PLEKHM3: variants seen among roughly 807,000 people sequenced by gnomAD.
PLEKHM3 encodes the protein pleckstrin homology domain containing M3, also known as pleckstrin homology domain-containing family M member 3.
Under a neutral mutation model 81.8 loss-of-function variants are expected in PLEKHM3, and 45 were observed. The ratio of observed to expected loss-of-function variants is 0.55; its 90% CI spans 0.43 to 0.71. The LOEUF is 0.71. PLEKHM3 is among the 30% of genes least tolerant of loss of function. PLEKHM3 has a pLI of 0.00. For synonymous variants in PLEKHM3, 352 were observed against 356.4 expected, an observed-to-expected ratio of 0.99 and a Z score of 0.14; for missense variants, 788 against 924.3, an observed-to-expected ratio of 0.85 and a Z score of 1.91.
At chr2:207,833,005 G>A (rs1370457463) in intron 7 of PLEKHM3, among the ~76,000 whole-genome samples, 2 of 151,188 alleles carry the variant, frequency 1.3e-5, no homozygotes, top group South Asian at 2.1e-4. Flanking sequence ...CCAGCTACCT[G>A]TGAGGCTAAG....
chr2:207,992,165 T>G (rs2106071172), intron 2 of PLEKHM3, among the ~76,000 whole-genome samples: 1 of 152,286 alleles, frequency 6.6e-6, no homozygotes, highest in Non-Finnish European at 1.5e-5. Context: ...GTCCTAGCCT[T>G]CCTCAGGCTG....
At chr2:207,855,991 G>A (rs1025582719) in intron 7 of PLEKHM3, among the ~76,000 whole-genome samples, 5 of 152,088 alleles carry the variant, frequency 3.3e-5, no homozygotes, top group African/African-American at 9.7e-5. Flanking sequence ...CTATACTAAC[G>A]TAAAATATTA....
intron 1 of PLEKHM3, among the ~76,000 whole-genome samples, chr2:208,013,589 G>T (rs1692776129): frequency 6.6e-6 from 1 of 151,962 alleles, no homozygotes; most frequent in African/African-American, 2.4e-5. Flanking sequence ...AGCCTCAAAG[G>T]TTCCACCAGA....
intron 5 of PLEKHM3, among the ~76,000 whole-genome samples, chr2:207,925,523 T>G (rs1318822190): frequency 6.6e-6 from 1 of 152,234 alleles, no homozygotes; most frequent in Non-Finnish European, 1.5e-5. Context: ...ACTTTCCTTA[T>G]GAGGTGGTAT....
intron 6 of PLEKHM3, among the ~76,000 whole-genome samples, chr2:207,890,411 T>G (rs1688026054): frequency 6.6e-6 from 1 of 152,106 alleles, no homozygotes; most frequent in South Asian, 2.1e-4. Flanking sequence ...GTGGATCACT[T>G]GAGGTCAGGA....
intron 3 of PLEKHM3, among the ~76,000 whole-genome samples, chr2:207,972,808 G>C (rs1691175449): frequency 6.6e-6 from 1 of 151,834 alleles, no homozygotes; most frequent in Non-Finnish European, 1.5e-5. Context: ...TTTTCTGCAG[G>C]GCTGTTTAAA....
At chr2:207,962,687 C>T (rs999977950) in intron 3 of PLEKHM3, among the ~76,000 whole-genome samples, 5 of 152,004 alleles carry the variant, frequency 3.3e-5, no homozygotes, top group Middle Eastern at 3.2e-3. Flanking sequence ...GTGCTAATTC[C>T]GGGTGGTCAG....
chr2:207,942,255 C>T (rs2105960958), intron 4 of PLEKHM3, among the ~76,000 whole-genome samples: 1 of 152,302 alleles, frequency 6.6e-6, no homozygotes, highest in South Asian at 2.1e-4. Context: ...GGTGTGGTGG[C>T]TCATGCCTGT....
intron 6 of PLEKHM3, among the ~76,000 whole-genome samples, chr2:207,876,508 C>T (rs776589804): frequency 1.1e-4 from 16 of 152,162 alleles, no homozygotes; most frequent in Non-Finnish European, 2.2e-4. Context: ...GGCTTGTTTG[C>T]TTCCCATGAG....
Position 207,944,098 on chromosome 2 carries a change from A to G in PLEKHM3, c.1692+2269T>C, listed in dbSNP as rs1253571107. ...TGAGGGAGATGCCCAATAGAAAGAC[A>G]AGAAAGTGGGAAACAAAATAATGAA... On this transcript the variant is annotated intron_variant, in intron 4 of 7. Coordinates refer to ENST00000427836, the MANE Select transcript of PLEKHM3 (RefSeq NM_001080475.3). 2.0e-5 allele frequency among the ~76,000 whole-genome samples: 3 copies of G among 152,204 alleles called. No homozygotes were observed. The East Asian group carries it at 5.8e-4, about 29-fold the overall frequency.
Position 207,826,698 on chromosome 2 carries a change from T to C in PLEKHM3, c.*1621A>G, listed in dbSNP as rs138823706. ...GAGTTGGGGTCTTGGGGAAGCGGCG[T>C]GTGGGGGAAAGGAGCAATGGGGTTG... On this transcript the variant is annotated 3_prime_UTR_variant, in exon 8 of 8. Transcript: ENST00000427836. 3.3e-5 allele frequency: 5 copies of C among 152,106 alleles called. No homozygotes were observed. Among genetic ancestry groups the C allele is most frequent in the African/African-American group, 9.6e-5 (4 of 41,494 alleles). 9.4% of individuals were successfully genotyped at this position (152,106 alleles called of 1,614,324 possible).
chr2:207,923,903 A>T (rs866972209), intron 5 of PLEKHM3, among the ~76,000 whole-genome samples: 7,380 of 58,734 alleles, frequency 0.13, 602 homozygotes, highest in Non-Finnish European at 0.17. Context: ...ATATATATAT[A>T]TATTTTTTTT....
At chr2:207,952,833 A>G (rs966231178) in intron 3 of PLEKHM3, among the ~76,000 whole-genome samples, 8 of 152,234 alleles carry the variant, frequency 5.3e-5, no homozygotes, top group African/African-American at 1.4e-4. Context: ...AGAATTCTAC[A>G]TAACTGTAAA....
chr2:207,941,983 G>A (rs1689952997), intron 4 of PLEKHM3, among the ~76,000 whole-genome samples: 1 of 152,176 alleles, frequency 6.6e-6, no homozygotes, highest in Non-Finnish European at 1.5e-5. Context: ...TGGTGAGGAT[G>A]TGGAGAAAAG....
At chr2:207,944,564 C>T (rs979742145) in intron 4 of PLEKHM3, among the ~76,000 whole-genome samples, 4 of 152,188 alleles carry the variant, frequency 2.6e-5, no homozygotes, top group Non-Finnish European at 5.9e-5. Flanking sequence ...GATAATGGCA[C>T]TTCACAGGGT....
At chr2:207,837,740 C>T (rs773127501) in intron 7 of PLEKHM3, among the ~76,000 whole-genome samples, 2 of 133,872 alleles carry the variant, frequency 1.5e-5, no homozygotes, top group African/African-American at 2.9e-5. Flanking sequence ...CTGTGAGCCA[C>T]GGCGCCTGGC....
At chr2:207,969,222 T>TA (rs1691028013) in intron 3 of PLEKHM3, among the ~76,000 whole-genome samples, 3 of 152,222 alleles carry the variant, frequency 2.0e-5, no homozygotes, top group African/African-American at 7.2e-5. Flanking sequence ...TCTGGGCACT[T>TA]AGAGACCAAC....
At chr2:207,972,603 A>AG (rs1184766720) in intron 3 of PLEKHM3, among the ~76,000 whole-genome samples, 6 of 151,792 alleles carry the variant, frequency 4.0e-5, no homozygotes, top group African/African-American at 1.5e-4. Flanking sequence ...AAAAAAAAAA[A>AG]AAGAAGACCA....
intron 1 of PLEKHM3, among the ~76,000 whole-genome samples, chr2:208,005,022 C>T (rs1256951932): frequency 4.8e-5 from 6 of 125,218 alleles, no homozygotes; most frequent in Admixed American, 2.7e-4. Flanking sequence ...GACGGTGTTT[C>T]ACCATGTTGC....
Sources: allele counts gnomAD v4.1 joint callset (sites outside exome capture counted in the v4.1 genomes callset), GRCh38; gene constraint gnomAD v4.1.1; transcripts MANE v1.5; gene names NCBI Gene and HGNC (gene_info 2026-07-23, HGNC 2026-07-21).